Variants in ADAMTS3 observed in about 807,000 individuals in gnomAD.
ADAMTS3 encodes the protein A disintegrin and metalloproteinase with thrombospondin motifs 3.
Under a neutral mutation model 129.0 loss-of-function variants are expected in ADAMTS3, and 73 were observed. The ratio of observed to expected loss-of-function variants is 0.57; its 90% confidence interval spans 0.47 to 0.69. The LOEUF is 0.69. ADAMTS3 is among the 30% of genes least tolerant of loss of function. The pLI is 0.00. For synonymous variants in ADAMTS3, 477 were observed against 510.8 expected (o/e 0.93, Z 0.89); for missense variants, 1,457 against 1,514.5 (o/e 0.96, Z 0.63).
At chr4:72,357,232 T>C (rs1720603401) in intron 4 of ADAMTS3, among the ~76,000 whole-genome samples, 1 of 151,926 alleles carries the variant, frequency 6.6e-6, no homozygotes. Flanking sequence ...TTGAAATATG[T>C]GAATACCCTG....
chr4:72,308,514 C>T (rs577900362), intron 15 of ADAMTS3, among the ~76,000 whole-genome samples: 52 of 151,994 alleles, frequency 3.4e-4, no homozygotes, highest in African/African-American at 1.1e-3. Flanking sequence ...AAGATACCAA[C>T]GGCTCTTTGG....
At chr4:72,499,760 CT>C (rs1560539394) in intron 3 of ADAMTS3, among the ~76,000 whole-genome samples, 1 of 152,096 alleles carries the variant, frequency 6.6e-6, no homozygotes, top group Non-Finnish European at 1.5e-5. Flanking sequence ...AGTTTTTCAA[CT>C]TTTGCCATCC....
intron 5 of ADAMTS3, among the ~76,000 whole-genome samples, chr4:72,326,919 G>A (rs1033662490): frequency 7.9e-5 from 12 of 152,094 alleles, no homozygotes; most frequent in African/African-American, 2.7e-4. Flanking sequence ...ATGCTTCAGA[G>A]GGGCAAAGGA....
At chr4:72,428,093 C>A (rs756013371) in intron 3 of ADAMTS3, among the ~76,000 whole-genome samples, 32 of 151,726 alleles carry the variant, frequency 2.1e-4, no homozygotes, top group Non-Finnish European at 2.2e-4. Context: ...TGTACTTGTG[C>A]AATTACAGGG....
At chr4:72,395,748 C>G (rs558483585) in intron 4 of ADAMTS3, among the ~76,000 whole-genome samples, 13 of 152,138 alleles carry the variant, frequency 8.5e-5, no homozygotes, top group Admixed American at 7.9e-4. Flanking sequence ...AAATTTATAG[C>G]TCCATGAAAG....
At chr4:72,312,126 G>A (rs918938472) in intron 13 of ADAMTS3, 165 bp downstream of exon 13, 20 of 643,290 alleles carry the variant, frequency 3.1e-5, no homozygotes, top group Non-Finnish European at 4.8e-5. Context: ...TTAGAGAAAG[G>A]GTATTTAAGC....
At chr4:72,512,211 C>T (rs554350352) in intron 3 of ADAMTS3, among the ~76,000 whole-genome samples, 6 of 152,120 alleles carry the variant, frequency 3.9e-5, no homozygotes, top group Non-Finnish European at 8.8e-5. Context: ...TGCACTGGCT[C>T]ACACTTGTAA....
At chr4:72,396,852 C>A (rs897512943) in intron 4 of ADAMTS3, among the ~76,000 whole-genome samples, 5 of 152,114 alleles carry the variant, frequency 3.3e-5, no homozygotes, top group African/African-American at 7.2e-5. Context: ...CAGGGGATAG[C>A]CTACGGAATG....
intron 3 of ADAMTS3, among the ~76,000 whole-genome samples, chr4:72,450,283 C>A (rs898391618): frequency 5.3e-5 from 8 of 151,628 alleles, no homozygotes; most frequent in African/African-American, 1.9e-4. Context: ...CACAGATGCA[C>A]TGAACGGTAC....
In ADAMTS3 at chr4:72,458,232, A is replaced by C. The variant is rs1387556949; in HGVS notation, c.505-43261T>G. On this transcript the variant is annotated intron_variant, in intron 3 of 21. Transcript: ENST00000286657. ...ATAGTACATGCATCACTGAACTAAC[A>C]GGTTTCAAATAGTAAGTTCATAGCA... Among the ~76,000 whole-genome samples the C allele has an allele frequency of 2.6e-5, 4 of 151,656 alleles. No homozygotes were observed. The East Asian group carries it at 7.8e-4, about 30-fold the overall frequency.
chr4:72,462,706 T>C lies in ADAMTS3; in HGVS notation c.505-47735A>G, dbSNP rs74467062. 2.8e-3 allele frequency among the ~76,000 whole-genome samples: 420 copies of C among 151,992 alleles called. 14 individuals are homozygous for C. The East Asian group carries it at 0.069, about 25-fold the overall frequency. ...TGTTTTAGTTTTTAATGAAATAGTT[T>C]AAACATGTTTTAAATTTAAAAAATA... On this transcript the variant is annotated intron_variant, in intron 3 of 21. Coordinates refer to ENST00000286657, the MANE Select transcript of ADAMTS3 (RefSeq NM_014243.3).
chr4:72,450,837 C>T (rs570391355), intron 3 of ADAMTS3, among the ~76,000 whole-genome samples: 1 of 151,366 alleles, frequency 6.6e-6, no homozygotes, highest in East Asian at 2.0e-4. Context: ...TATACAAAAA[C>T]AGCATACCAA....
At chr4:72,407,521 G>C (rs960885434) in intron 4 of ADAMTS3, among the ~76,000 whole-genome samples, 1 of 152,050 alleles carries the variant, frequency 6.6e-6, no homozygotes, top group East Asian at 1.9e-4. Flanking sequence ...ACTGAACTTA[G>C]GGAGCAAAAT....
At chr4:72,488,821 C>A (rs1719657520) in intron 3 of ADAMTS3, among the ~76,000 whole-genome samples, 1 of 151,776 alleles carries the variant, frequency 6.6e-6, no homozygotes, top group South Asian at 2.1e-4. Flanking sequence ...ACCCTCTTAG[C>A]AAATTTCAAG....
chr4:72,338,893 A>G (rs1720056552), intron 5 of ADAMTS3, among the ~76,000 whole-genome samples: 1 of 152,156 alleles, frequency 6.6e-6, no homozygotes, highest in African/African-American at 2.4e-5. Context: ...TCTGAATCTG[A>G]TTAAGGTTCA....
intron 4 of ADAMTS3, among the ~76,000 whole-genome samples, chr4:72,382,760 A>G (rs1387360097): frequency 6.6e-6 from 1 of 152,158 alleles, no homozygotes; most frequent in Non-Finnish European, 1.5e-5. Context: ...CTGTTATCCT[A>G]AGTAAAACAA....
intron 3 of ADAMTS3, among the ~76,000 whole-genome samples, chr4:72,523,460 C>A (rs1019238888): frequency 3.3e-5 from 5 of 151,952 alleles, no homozygotes; most frequent in African/African-American, 7.2e-5. Context: ...TAACTGTATG[C>A]AAATGTCACT....
intron 4 of ADAMTS3, among the ~76,000 whole-genome samples, chr4:72,390,944 T>C (rs1036241724): frequency 9.9e-5 from 15 of 151,768 alleles, no homozygotes; most frequent in African/African-American, 3.6e-4. Flanking sequence ...TTCTTTTATA[T>C]TCTGGGAAAT....
chr4:72,326,484 A>C (rs998896398), intron 5 of ADAMTS3, among the ~76,000 whole-genome samples: 1 of 151,892 alleles, frequency 6.6e-6, no homozygotes, highest in Admixed American at 6.6e-5. Flanking sequence ...GATATTCAAA[A>C]CCCTGGGTTC....
Sources: gnomAD v4.1 joint callset for allele counts (sites outside exome capture counted in the v4.1 genomes callset) on GRCh38, gnomAD v4.1.1 for gene constraint, MANE v1.5 for transcripts, NCBI Gene and HGNC (gene_info 2026-07-23, HGNC 2026-07-21) for gene names.